The following LPCAT3 variants were observed in gnomAD, a reference collection of about 807,000 sequenced individuals.
LPCAT3 encodes lysophospholipid acyltransferase 5.
LPCAT3 carries 21 observed loss-of-function variants against 63.4 expected under a neutral mutation model. That is an observed-to-expected ratio of 0.33 (90% CI 0.23 to 0.48). The LOEUF (loss-of-function observed/expected upper bound fraction) is 0.48, where lower values mean the gene tolerates loss of function less well. Ranked by LOEUF, LPCAT3 falls within the 20% of genes least tolerant of loss-of-function variation. LPCAT3 has a pLI of 0.99. For synonymous variants in LPCAT3, 242 were observed against 227.5 expected, an observed-to-expected ratio of 1.06 and a Z score of -0.58; for missense variants, 451 against 590.6, an observed-to-expected ratio of 0.76 and a Z score of 2.45.
In LPCAT3 at chr12:6,976,443, G is replaced by C. The variant is rs1019891591; in HGVS notation, c.*461C>G. 3.3e-5 allele frequency: 5 copies of C among 153,476 alleles called. No individual in the cohort carries two copies. Among genetic ancestry groups the C allele is most frequent in the African/African-American group, 1.2e-4 (5 of 41,452 alleles). The allele number at this position is 153,476 out of a possible 1,614,324, so 9.5% of individuals were successfully genotyped here. A position where few individuals can be genotyped will look rare whatever the true frequency, so the allele number is the denominator to read the frequency against. The stretch of plus-strand genomic sequence containing the variant: ...TCCTCCCACAAGAGTTTCCCCTTTG[G>C]GCCGGGCACGGTGGCTCACGCCTGT... On this transcript the variant is annotated 3_prime_UTR_variant, in exon 13 of 13. Transcript: ENST00000261407.
chr12:6,998,791 G>C (rs922935633), intron 1 of LPCAT3, among the ~76,000 whole-genome samples: 4 of 152,226 alleles, frequency 2.6e-5, no homozygotes, highest in Non-Finnish European at 5.9e-5. Flanking sequence ...CTTGGGCTGA[G>C]TCATATGCTG....
intron 1 of LPCAT3, among the ~76,000 whole-genome samples, chr12:6,988,819 A>C (rs1328393140): frequency 6.6e-6 from 1 of 152,142 alleles, no homozygotes; most frequent in Non-Finnish European, 1.5e-5. Flanking sequence ...GGTTTGTAAC[A>C]ACCCAGAGGT....
At position 6,982,702 on chromosome 12, in the gene LPCAT3, C is replaced by T. The variant is rs142589366; in HGVS notation, c.340G>A (p.Val114Ile). Residue 114 changes from valine to isoleucine, a missense_variant, in exon 3 of 13, where the codon GTC becomes ATC. Transcript: ENST00000261407. Reference sequence around the variant, plus strand: ...ATCTGGAAGCAAAAGGTAGTGAGGACGGCAGTGATGGTGCGGCCCATTAGT... The same window carrying T: ...ATCTGGAAGCAAAAGGTAGTGAGGATGGCAGTGATGGTGCGGCCCATTAGT... ...LRLMGRTITAVLTTFCFQMAY... is the reference protein window; with the variant it reads ...LRLMGRTITAILTTFCFQMAY... The T allele has an allele frequency of 5.0e-4, 799 of 1,613,312 alleles. No individual in the cohort carries two copies. Among genetic ancestry groups the T allele is most frequent in the Non-Finnish European group, 6.2e-4 (727 of 1,179,428 alleles).
Position 6,976,847 on chromosome 12 carries a change from G to C in LPCAT3, c.*57C>G, listed in dbSNP as rs937292627. On this transcript the variant is annotated 3_prime_UTR_variant, in exon 13 of 13. Transcript: ENST00000261407. ...CTGCTCTGGGGCAAAGGAGTGCTGT[G>C]AAAAGGGAGACGAGTAGTTTCTGCA... is the stretch of plus-strand genomic sequence containing the variant. 1.8e-5 allele frequency: 5 copies of C among 281,252 alleles called. No homozygotes were observed. The highest frequency in any genetic ancestry group is 2.2e-5 in the African/African-American group (1 of 46,372). The allele number at this position is 281,252 out of a possible 1,614,324, so 17.4% of individuals were successfully genotyped here.
At chr12:6,979,308 C>G (rs1337026229) in intron 7 of LPCAT3, 163 bp downstream of exon 7, 20 of 626,910 alleles carry the variant, frequency 3.2e-5, no homozygotes, top group South Asian at 5.7e-5. Flanking sequence ...GGCTGATGAA[C>G]ATGTCCCAGC....
Position 6,977,517 on chromosome 12 carries a change from C to T in LPCAT3, c.1197G>A (p.Arg399=). 6.2e-7 allele frequency: 1 copy of T among 1,614,134 alleles called. No homozygotes were observed. The highest frequency in any genetic ancestry group is 1.7e-5 in the Admixed American group (1 of 60,016). The part of the protein sequence containing the change: ...LIVIVERQAA[R]LIQESPTLSK... ...TCAGGGTGGGGCTCTCTTGAATGAG[C>T]CTGGCAGCCTGGGGAGGGAGGAGGA... The change falls in exon 11 of 13, where the codon AGG becomes AGA. Residue 399 remains arginine (R), a synonymous_variant. Transcript: ENST00000261407. The surrounding 1 kb of genome is among the most constrained non-coding windows in gnomAD (Gnocchi z 4.5).
rs1305788300 is a variant in LPCAT3 at position 6,976,723 on chromosome 12, C to CA, written c.*180dup. On this transcript the variant is annotated 3_prime_UTR_variant, in exon 13 of 13. Coordinates refer to ENST00000261407, the MANE Select transcript of LPCAT3 (RefSeq NM_005768.6). The stretch of plus-strand genomic sequence containing the variant: ...GGGTGACAAAGCAAGACGCCTTCTC[C>CA]AAAAAAAAGTTTCCCCTTTGGCCCC... The CA allele has an allele frequency of 5.6e-5, 9 of 159,780 alleles. No individual in the cohort carries two copies. Among genetic ancestry groups the CA allele is most frequent in the Admixed American group, 1.8e-4 (3 of 16,628 alleles). 9.9% of individuals were successfully genotyped at this position (159,780 alleles called of 1,614,324 possible).
chr12:6,999,780 G>C (rs953096736), intron 1 of LPCAT3, among the ~76,000 whole-genome samples: 6 of 152,238 alleles, frequency 3.9e-5, no homozygotes, highest in Non-Finnish European at 7.4e-5. Context: ...CTGTACTCAG[G>C]GAATTTTATC....
chr12:6,978,465 C>G lies in LPCAT3; in HGVS notation c.916G>C (p.Glu306Gln). The G allele has an allele frequency of 6.2e-7, 1 of 1,614,106 alleles. No homozygotes were observed. The highest frequency in any genetic ancestry group is 8.5e-7 in the Non-Finnish European group (1 of 1,179,988). The change falls in exon 9 of 13, where the codon GAA becomes CAA. Residue 306 changes from glutamate to glutamine, a missense_variant. Glu to Gln is a conservative substitution (Grantham distance 29). This residue lies in a region of LPCAT3 where 304 missense variants were observed against 390.8 expected (regional missense o/e 0.78). Coordinates refer to ENST00000261407, the MANE Select transcript of LPCAT3 (RefSeq NM_005768.6). ...TCCCACTTTGCCTTGCCCTTTTCTT[C>G]AAAGCCATTGAAGCCCAGGCCCGTC... ...ILTGLGFNGF[E>Q]EKGKAKWDAC...
chr12:6,987,120 A>AAG lies in LPCAT3; in HGVS notation c.152-3583_152-3582dup, dbSNP rs1157842474. Among the ~76,000 whole-genome samples, 1 of 152,050 alleles carries AAG rather than the reference A, an allele frequency of 6.6e-6. No individual in the cohort carries two copies. The highest frequency in any genetic ancestry group is 2.4e-5 in the African/African-American group (1 of 41,326). Reference sequence around the variant, plus strand: ...GAGCAAGATTCTGTCTCAAAAAAAAAAGAAAAAAAAGTTTTATGAGGATTT... The same window carrying AAG: ...GAGCAAGATTCTGTCTCAAAAAAAAAAGAGAAAAAAAAGTTTTATGAGGATTT... On this transcript the variant is annotated intron_variant, in intron 1 of 12. Coordinates refer to ENST00000261407, the MANE Select transcript of LPCAT3 (RefSeq NM_005768.6). This position sits in a 1 kb window ranked among gnomAD's most constrained non-coding sequence, Gnocchi z 4.1.
rs1360629352 is a variant in LPCAT3, at chr12:6,987,374, T to C, written c.152-3835A>G. 2.0e-5 allele frequency among the ~76,000 whole-genome samples: 3 copies of C among 152,220 alleles called. No homozygotes were observed. The highest frequency in any genetic ancestry group is 7.2e-5 in the African/African-American group (3 of 41,452). On this transcript the variant is annotated intron_variant, in intron 1 of 12. Transcript: ENST00000261407. This position sits in a 1 kb window ranked among gnomAD's most constrained non-coding sequence, Gnocchi z 4.1. ...CTGAGATGATGGGATATAGGATCAC[T>C]AGCTCTAGGGAGGTGGAGACATCTA...
chr12:7,011,542 A>C (rs1403188120), intron 1 of LPCAT3, among the ~76,000 whole-genome samples: 1 of 151,282 alleles, frequency 6.6e-6, no homozygotes, highest in Non-Finnish European at 1.5e-5. Flanking sequence ...CCAGCTACTC[A>C]GGAGGCTGAG....
rs782380660 is a variant in LPCAT3, at chr12:6,977,928, C to T, written c.1041-183G>A. ...TTAGAGATGGAAAGCAGACCCAAGG[C>T]GGAGCTGGAGACCGTGTGCGCACGA... On this transcript the variant is annotated intron_variant, in intron 9 of 12. Coordinates refer to ENST00000261407, the MANE Select transcript of LPCAT3 (RefSeq NM_005768.6). This position sits in a 1 kb window ranked among gnomAD's most constrained non-coding sequence, Gnocchi z 4.5. The T allele has an allele frequency of 1.5e-5, 10 of 681,842 alleles. No individual in the cohort carries two copies. Among genetic ancestry groups the T allele is most frequent in the Admixed American group, 2.9e-5 (1 of 34,066 alleles). 42.2% of individuals were successfully genotyped at this position (681,842 alleles called of 1,614,324 possible). A position where few individuals can be genotyped will look rare whatever the true frequency, so the allele number is the denominator to read the frequency against.
intron 1 of LPCAT3, among the ~76,000 whole-genome samples, chr12:6,984,773 T>A (rs1253976000): frequency 1.3e-5 from 2 of 151,854 alleles, no homozygotes; most frequent in African/African-American, 4.8e-5. Flanking sequence ...TTTGTGGACA[T>A]GAGTTCTCAC....
chr12:7,004,067 A>G (rs1946709543), intron 1 of LPCAT3, among the ~76,000 whole-genome samples: 2 of 152,224 alleles, frequency 1.3e-5, no homozygotes, highest in Admixed American at 1.3e-4. Flanking sequence ...ACTGGTTCAT[A>G]TCAAAGAATA....
chr12:7,011,893 G>C (rs1467069100), intron 1 of LPCAT3, among the ~76,000 whole-genome samples: 1 of 152,124 alleles, frequency 6.6e-6, no homozygotes, highest in Non-Finnish European at 1.5e-5. Context: ...CATTAATGCT[G>C]CTTAATTTTC....
chr12:6,986,418 C>T (rs901052959), intron 1 of LPCAT3, among the ~76,000 whole-genome samples: 1 of 152,018 alleles, frequency 6.6e-6, no homozygotes. Flanking sequence ...AAATGACATA[C>T]AAAATATATG....
chr12:7,006,964 G>A (rs1296506936), intron 1 of LPCAT3, among the ~76,000 whole-genome samples: 3 of 152,172 alleles, frequency 2.0e-5, no homozygotes, highest in Non-Finnish European at 4.4e-5. Flanking sequence ...AATATATAGA[G>A]ATCGGAACTT....
At chr12:7,000,851 T>C (rs77349512) in intron 1 of LPCAT3, among the ~76,000 whole-genome samples, 18 of 151,554 alleles carry the variant, frequency 1.2e-4, no homozygotes, top group Middle Eastern at 6.8e-3. Context: ...GGACTACAGG[T>C]GCCCGCCACC....
Sources: allele counts gnomAD v4.1 joint callset (sites outside exome capture counted in the v4.1 genomes callset), GRCh38; gene constraint gnomAD v4.1.1; regional missense constraint gnomAD v4.1.1; non-coding constraint Gnocchi (gnomAD v3.1); transcripts MANE v1.5; gene names NCBI Gene and HGNC (gene_info 2026-07-23, HGNC 2026-07-21).